The following COL5A1 variants were observed in gnomAD, a reference collection of about 807,000 sequenced individuals.
The protein encoded by COL5A1 is collagen alpha-1(V) chain.
In COL5A1, 16 loss-of-function variants were observed where a neutral mutation model predicts 263.7. The observed-to-expected ratio is 0.06, with a 90% CI of 0.04 to 0.09. The LOEUF is 0.09. Among genes scored for constraint, COL5A1 ranks in the 10% least tolerant of loss-of-function variants. COL5A1 has a pLI of 1.00. For missense variants in COL5A1, 2,036 were observed against 2,540.5 expected (o/e 0.80, Z 4.27); for synonymous variants, 1,012 against 1,004.5 (o/e 1.01, Z -0.14).
At chr9:134,654,667 G>T (rs1422337431) in intron 1 of COL5A1, among the ~76,000 whole-genome samples, 4 of 132,912 alleles carry the variant, frequency 3.0e-5, no homozygotes, top group African/African-American at 1.2e-4. Context: ...GGTGTGTGTA[G>T]GGCTGTAGGT....
At chr9:134,737,922 G>T (rs559596868) in intron 9 of COL5A1, among the ~76,000 whole-genome samples, 46 of 152,272 alleles carry the variant, frequency 3.0e-4, no homozygotes, top group Non-Finnish European at 5.0e-4. Flanking sequence ...GTTCTGGGCT[G>T]CTGCGTGCAT....
At position 134,844,356 on chromosome 9, in the gene COL5A1, T is replaced by G. The variant is rs2132947094; in HGVS notation, c.*2053T>G. On this transcript the variant is annotated 3_prime_UTR_variant, in exon 66 of 66. Coordinates refer to ENST00000371817, the MANE Select transcript of COL5A1 (RefSeq NM_000093.5). ...GGACTGTCCCGCGACCCCCGTGGAC[T>G]GCGTCTAGGTCATGTGATTCTGTTT... 1 of 152,760 alleles carries G rather than the reference T, an allele frequency of 6.5e-6. No homozygotes were observed. The highest frequency in any genetic ancestry group is 2.1e-4 in the South Asian group (1 of 4,822). 9.5% of individuals were successfully genotyped at this position (152,760 alleles called of 1,614,324 possible).
chr9:134,666,521 A>G (rs1832363027), intron 1 of COL5A1, among the ~76,000 whole-genome samples: 1 of 152,202 alleles, frequency 6.6e-6, no homozygotes, highest in South Asian at 2.1e-4. Flanking sequence ...TCAAAGGCAC[A>G]CAGGTTGGGC....
intron 51 of COL5A1, 78 bp from the exon 52 acceptor site, chr9:134,815,857 G>T: frequency 6.5e-7 from 1 of 1,546,712 alleles, no homozygotes; most frequent in Non-Finnish European, 8.9e-7. Context: ...GGAAGGGGCT[G>T]GAGATGCATT....
intron 2 of COL5A1, among the ~76,000 whole-genome samples, chr9:134,698,581 TGGGACGAG>T (rs1227216917): frequency 2.6e-5 from 4 of 152,220 alleles, no homozygotes; most frequent in African/African-American, 9.6e-5. Flanking sequence ...CAGGATGCTG[TGGGACGAG>T]GGGGCCTTCA....
intron 32 of COL5A1, among the ~76,000 whole-genome samples, chr9:134,793,193 C>T (rs1837780464): frequency 6.6e-6 from 1 of 151,802 alleles, no homozygotes; most frequent in Admixed American, 6.6e-5. Context: ...GAAAGACCCG[C>T]TCTTCAGATG....
At position 134,758,607 on chromosome 9, in the gene COL5A1, T is replaced by A. The variant is rs578134953; in HGVS notation, c.1935+311T>A. On this transcript the variant is annotated intron_variant, in intron 18 of 65. Transcript: ENST00000371817. This position sits in a 1 kb window ranked among gnomAD's most constrained non-coding sequence, Gnocchi z 4.1. ...GGAGCCCTTCCTTTTAGAGATCTGT[T>A]TAATGGAGTCCTTTAACATTTCAGG... 6.6e-6 allele frequency among the ~76,000 whole-genome samples: 1 copy of A among 152,226 alleles called. No homozygotes were observed. Among genetic ancestry groups the A allele is most frequent in the Admixed American group, 6.5e-5 (1 of 15,288 alleles).
In COL5A1 at chr9:134,763,722, G is replaced by T. The variant is rs139822656; in HGVS notation, c.2019G>T (p.Gly673=). ...RGDDGEVGPR[G]LPGEPGPRGL... is the part of the protein sequence containing the mutation. ...ACGACGGAGAAGTTGGGCCCAGGGGGCTGCCTGGGGAGCCCGTAAGTCTGT... is the reference window on the plus strand; with the variant it reads ...ACGACGGAGAAGTTGGGCCCAGGGGTCTGCCTGGGGAGCCCGTAAGTCTGT... The change falls in exon 20 of 66, where the codon GGG becomes GGT. Residue 673 remains glycine, a synonymous_variant. Transcript: ENST00000371817. 11 of 1,613,690 alleles carry T rather than the reference G, an allele frequency of 6.8e-6. No individual in the cohort carries two copies. In the African/African-American group the frequency reaches 1.5e-4, roughly 22 times the overall value.
In COL5A1 at chr9:134,677,489, G is replaced by A. The variant is rs1393068186; in HGVS notation, c.110-13423G>A. Reference sequence around the variant, plus strand: ...TGCATCCAGTAGAGAGAGGCCATGTGCAAATGCTCAGGTTCGTGGAGCCAG... The same window carrying A: ...TGCATCCAGTAGAGAGAGGCCATGTACAAATGCTCAGGTTCGTGGAGCCAG... On this transcript the variant is annotated intron_variant, in intron 1 of 65. Transcript: ENST00000371817. This position sits in a 1 kb window ranked among gnomAD's most constrained non-coding sequence, Gnocchi z 4.4. 6.6e-6 allele frequency among the ~76,000 whole-genome samples: 1 copy of A among 152,170 alleles called. No homozygotes were observed. Among genetic ancestry groups the A allele is most frequent in the Non-Finnish European group, 1.5e-5 (1 of 68,024 alleles).
Position 134,786,064 on chromosome 9 carries a change from G to A in COL5A1, c.2646+16G>A. ...AGGACCAAAGGTAACTTCTGGCCGT[G>A]TTAGGTGTCCCGGGACAGGCGGAGG... On this transcript the variant is annotated intron_variant, in intron 31 of 65. Coordinates refer to ENST00000371817, the MANE Select transcript of COL5A1 (RefSeq NM_000093.5). The A allele has an allele frequency of 1.2e-6, 2 of 1,607,828 alleles. No homozygotes were observed. The highest frequency in any genetic ancestry group is 1.7e-6 in the Non-Finnish European group (2 of 1,176,732).
intron 26 of COL5A1, among the ~76,000 whole-genome samples, chr9:134,773,413 C>T (rs1027279380): frequency 5.9e-5 from 9 of 152,186 alleles, no homozygotes; most frequent in African/African-American, 1.7e-4. Flanking sequence ...AGCCTCCAGA[C>T]GGGAGGAGTA....
chr9:134,663,978 G>A (rs1054033065), intron 1 of COL5A1, among the ~76,000 whole-genome samples: 51 of 152,330 alleles, frequency 3.3e-4, no homozygotes, highest in African/African-American at 1.2e-3. Context: ...GAACATCTTG[G>A]GGGTGCTGGG....
rs369610049 is a variant in COL5A1, at chr9:134,742,983, G to A, written c.1494+4175G>A. On this transcript the variant is annotated intron_variant, in intron 11 of 65. Coordinates refer to ENST00000371817, the MANE Select transcript of COL5A1 (RefSeq NM_000093.5). This position sits in a 1 kb window ranked among gnomAD's most constrained non-coding sequence, Gnocchi z 4.6. ...TCCAGGGCCCACACCTGCTAGCCTCGATAGAAACACCCGGAAGGCAGGCGC... is the reference window on the plus strand; with the variant it reads ...TCCAGGGCCCACACCTGCTAGCCTCAATAGAAACACCCGGAAGGCAGGCGC... Among the ~76,000 whole-genome samples the A allele has an allele frequency of 3.9e-5, 6 of 152,288 alleles. No homozygotes were observed. The East Asian group carries it at 5.8e-4, about 15-fold the overall frequency.
At chr9:134,649,140 C>T (rs1355487996) in intron 1 of COL5A1, among the ~76,000 whole-genome samples, 1 of 152,048 alleles carries the variant, frequency 6.6e-6, no homozygotes, top group African/African-American at 2.4e-5. Context: ...TTTGTGCCAG[C>T]CCAGCCCCAG....
Position 134,814,834 on chromosome 9 carries a change from G to T in COL5A1, c.3944G>T (p.Gly1315Val). The change falls in exon 50 of 66, where the codon GGC (glycine) becomes GTC (valine). Residue 1315 changes from glycine to valine, a missense_variant. Around this residue, in one of 3 missense-constraint regions of COL5A1, gnomAD observed 1,078 missense variants for 1,521.4 expected, o/e 0.71. Coordinates refer to ENST00000371817, the MANE Select transcript of COL5A1 (RefSeq NM_000093.5). ...KGERGEKGES[G>V]PSGAAGPPGP... ...GAAAGGGGAGAGAAGGGCGAGTCAG[G>T]CCCTTCAGGTGCTGCCGGACCCCCT... 1.3e-6 allele frequency: 2 copies of T among 1,552,016 alleles called. No homozygotes were observed. The highest frequency in any genetic ancestry group is 1.7e-6 in the Non-Finnish European group (2 of 1,147,332).
At chr9:134,800,388 C>A (rs375100769) in intron 37 of COL5A1, among the ~76,000 whole-genome samples, 1 of 152,186 alleles carries the variant, frequency 6.6e-6, no homozygotes, top group South Asian at 2.1e-4. Flanking sequence ...ACATTAGAAA[C>A]GATCATTCTA....
intron 2 of COL5A1, among the ~76,000 whole-genome samples, chr9:134,694,191 C>T (rs1186959314): frequency 6.6e-6 from 1 of 152,272 alleles, no homozygotes; most frequent in Non-Finnish European, 1.5e-5. Context: ...GAAGAGCTCA[C>T]ACACCCCTCG....
At chr9:134,748,677 G>C (rs1003760963) in intron 11 of COL5A1, among the ~76,000 whole-genome samples, 1 of 152,214 alleles carries the variant, frequency 6.6e-6, no homozygotes, top group Non-Finnish European at 1.5e-5. Context: ...GTATCCATTA[G>C]CAATTCAGAA....
Position 134,758,111 on chromosome 9 carries a change from T to G in COL5A1, c.1882-132T>G. 1 of 858,436 alleles carries G rather than the reference T, an allele frequency of 1.2e-6. No homozygotes were observed. The highest frequency in any genetic ancestry group is 1.3e-5 in the South Asian group (1 of 74,400). 53.2% of individuals were successfully genotyped at this position (858,436 alleles called of 1,614,324 possible). A position where few individuals can be genotyped will look rare whatever the true frequency, so the allele number is the denominator to read the frequency against. On this transcript the variant is annotated intron_variant, in intron 17 of 65. Transcript: ENST00000371817. This position sits in a 1 kb window ranked among gnomAD's most constrained non-coding sequence, Gnocchi z 4.1. The stretch of plus-strand genomic sequence containing the variant: ...GGCCTATGGGGAGAGGGCTGGCCGA[T>G]GGGGTTCAGGGTGCATAGATGCTGT...
Sources: allele counts gnomAD v4.1 joint callset (sites outside exome capture counted in the v4.1 genomes callset), GRCh38; gene constraint gnomAD v4.1.1; regional missense constraint gnomAD v4.1.1; non-coding constraint Gnocchi (gnomAD v3.1); transcripts MANE v1.5; gene names NCBI Gene and HGNC (gene_info 2026-07-23, HGNC 2026-07-21).